RSPH3: variants seen among roughly 807,000 people sequenced by gnomAD.
RSPH3 encodes radial spoke head 3.
Under a neutral mutation model 43.8 loss-of-function variants are expected in RSPH3, and 21 were observed. The observed-to-expected ratio is 0.48, with a 90% CI of 0.34 to 0.69. The LOEUF (loss-of-function observed/expected upper bound fraction) is 0.69, where lower values mean the gene tolerates loss of function less well. RSPH3 is among the 30% of genes least tolerant of loss of function. The pLI, the probability that RSPH3 is intolerant of heterozygous loss-of-function variation, is 0.01. For synonymous variants in RSPH3, 173 were observed against 179.8 expected (o/e 0.96, Z 0.30); for missense variants, 487 against 516.0 (o/e 0.94, Z 0.54).
chr6:158,993,698 A>G, intron 2 of RSPH3, 141 bp downstream of exon 2: 1 of 522,952 alleles, frequency 1.9e-6, no homozygotes. Flanking sequence ...ATGTCTTTTT[A>G]AAAATTTCAT....
intron 2 of RSPH3, among the ~76,000 whole-genome samples, chr6:158,992,120 C>A (rs1778430720): frequency 7.0e-6 from 1 of 143,766 alleles, no homozygotes; most frequent in African/African-American, 2.6e-5. Flanking sequence ...TTCTTCACAT[C>A]CCTCATTTGA....
At chr6:158,986,538 G>T in intron 2 of RSPH3, 117 bp from the exon 3 acceptor site, 1 of 750,980 alleles carries the variant, frequency 1.3e-6, no homozygotes, top group African/African-American at 1.8e-5. Flanking sequence ...AATGTTTCTT[G>T]ATTATCAGTA....
intron 2 of RSPH3, among the ~76,000 whole-genome samples, chr6:158,990,178 C>T (rs183521144): frequency 6.6e-6 from 1 of 152,048 alleles, no homozygotes; most frequent in Non-Finnish European, 1.5e-5. Flanking sequence ...TTAATAAACT[C>T]TCCTTTATAT....
intron 2 of RSPH3, 59 bp from the exon 3 acceptor site, chr6:158,986,480 A>ACTGC: frequency 6.9e-7 from 1 of 1,444,954 alleles, no homozygotes; most frequent in South Asian, 1.3e-5. Flanking sequence ...GCATACAGGA[A>ACTGC]CTGCCATTCC....
rs1393671903 is a variant in RSPH3 at position 158,973,173 on chromosome 6, G to C, written c.*4365C>G. Reference sequence around the variant, plus strand: ...TGTCTTTATGCTAAATAAATTAAATGAAGTAAACAGCCATGGCTATTGAAC... The same window carrying C: ...TGTCTTTATGCTAAATAAATTAAATCAAGTAAACAGCCATGGCTATTGAAC... On this transcript the variant is annotated 3_prime_UTR_variant, in exon 8 of 8. Coordinates refer to ENST00000367069, the MANE Select transcript of RSPH3 (RefSeq NM_031924.8). 2 of 152,116 alleles carry C rather than the reference G, an allele frequency of 1.3e-5. No homozygotes were observed. The highest frequency in any genetic ancestry group is 2.4e-5 in the African/African-American group (1 of 41,422). The allele number at this position is 152,116 out of a possible 1,614,324, so 9.4% of individuals were successfully genotyped here. A position where few individuals can be genotyped will look rare whatever the true frequency, so the allele number is the denominator to read the frequency against.
chr6:158,999,984 G>GC lies in RSPH3; in HGVS notation c.-435dup, dbSNP rs1276056000. On this transcript the variant is annotated 5_prime_UTR_variant, in exon 1 of 8. The change abolishes the stop of an existing upstream ORF in the 5' untranslated region. Transcript: ENST00000367069. Reference sequence around the variant, plus strand: ...GGCTGGCTTGACCGTCATCCTTGAGGCCTGCGGGGCAACGGTGGCTGTCCT... The same window carrying GC: ...GGCTGGCTTGACCGTCATCCTTGAGGCCCTGCGGGGCAACGGTGGCTGTCCT... The GC allele has an allele frequency of 1.3e-6, 2 of 1,572,018 alleles. No individual in the cohort carries two copies. Among genetic ancestry groups the GC allele is most frequent in the Admixed American group, 3.6e-5 (2 of 55,254 alleles).
At chr6:158,985,348 G>A (rs1250832644) in intron 3 of RSPH3, among the ~76,000 whole-genome samples, 1 of 152,196 alleles carries the variant, frequency 6.6e-6, no homozygotes, top group Non-Finnish European at 1.5e-5. Flanking sequence ...CTCCTTTCCT[G>A]TAAGTCCTAA....
chr6:158,992,649 T>C (rs1312027938), intron 2 of RSPH3, among the ~76,000 whole-genome samples: 2 of 152,138 alleles, frequency 1.3e-5, no homozygotes, highest in Non-Finnish European at 2.9e-5. Context: ...AGGTTTGGTG[T>C]TTTAAATTCA....
downstream of RSPH3, among the ~76,000 whole-genome samples, chr6:158,970,083 C>CT (rs773784461): frequency 5.1e-4 from 76 of 150,090 alleles, no homozygotes; most frequent in African/African-American, 1.3e-3. Flanking sequence ...GTACTTTTTT[C>CT]TTTTTTTTTG....
chr6:158,987,820 C>T (rs1290840353), intron 2 of RSPH3, among the ~76,000 whole-genome samples: 1 of 152,176 alleles, frequency 6.6e-6, no homozygotes, highest in African/African-American at 2.4e-5. Flanking sequence ...TATCACCTAC[C>T]TCTTAACAGG....
At chr6:158,992,109 G>T in intron 2 of RSPH3, among the ~76,000 whole-genome samples, 1 of 148,212 alleles carries the variant, frequency 6.7e-6, no homozygotes, top group East Asian at 2.0e-4. Flanking sequence ...CCTTAGGTGG[G>T]TTCTTCACAT....
At chr6:158,988,212 C>G (rs1236781017) in intron 2 of RSPH3, 3 of 152,174 alleles carry the variant, frequency 2.0e-5, no homozygotes, top group Non-Finnish European at 4.4e-5. Flanking sequence ...GGTCATCTCA[C>G]TCCCTCCTGG....
In RSPH3 at chr6:158,973,085, A is replaced by C. The variant is rs529126950; in HGVS notation, c.*4453T>G. 1 of 152,374 alleles carries C rather than the reference A, an allele frequency of 6.6e-6. No homozygotes were observed. The highest frequency in any genetic ancestry group is 1.9e-4 in the East Asian group (1 of 5,194). The allele number at this position is 152,374 out of a possible 1,614,324, so 9.4% of individuals were successfully genotyped here. On this transcript the variant is annotated 3_prime_UTR_variant, in exon 8 of 8. Transcript: ENST00000367069. ...GAGGTTAGGCCTAGGCATTACGGTT[A>C]AGAAATAACAGATGCTAATTAGTTA...
downstream of RSPH3, among the ~76,000 whole-genome samples, chr6:158,970,916 C>G (rs947651175): frequency 4.6e-5 from 7 of 151,950 alleles, no homozygotes; most frequent in Non-Finnish European, 7.4e-5. Flanking sequence ...TTTTTTTTGC[C>G]AGTCTCTTAT....
In RSPH3 at chr6:158,978,346, T is replaced by C. The variant is rs771625221; in HGVS notation, c.860A>G (p.Asp287Gly). 5 of 1,405,256 alleles carry C rather than the reference T, an allele frequency of 3.6e-6. No homozygotes were observed. Among genetic ancestry groups the C allele is most frequent in the Middle Eastern group, 1.9e-4 (1 of 5,392 alleles). The allele number at this position is 1,405,256 out of a possible 1,614,324, so 87.0% of individuals were successfully genotyped here. A position where few individuals can be genotyped will look rare whatever the true frequency, so the allele number is the denominator to read the frequency against. Reference protein sequence around the residue: ...SGYFYDPIERDIEIGFLPWLM... With the variant: ...SGYFYDPIERGIEIGFLPWLM... ...CCATGGAAGAAATCCTATCTCAATA[T>C]CTGTAATAAAAGAATTCATTGATTT... The change falls in exon 7 of 8, where the codon GAT (aspartate) becomes GGT (glycine). Residue 287 changes from aspartate to glycine, a missense_variant and splice_region_variant. Coordinates refer to ENST00000367069, the MANE Select transcript of RSPH3 (RefSeq NM_031924.8).
In RSPH3 at chr6:158,984,437, TATA is replaced by T. The variant is rs1778149179; in HGVS notation, c.347-633_347-631del. 6.3e-3 allele frequency among the ~76,000 whole-genome samples: 310 copies of T among 49,478 alleles called. 21 individuals are homozygous for T. The highest frequency in any genetic ancestry group is 0.014 in the African/African-American group (262 of 18,844). 32.5% of individuals were successfully genotyped at this position (49,478 alleles called of 152,430 possible). A position where few individuals can be genotyped will look rare whatever the true frequency, so the allele number is the denominator to read the frequency against. The stretch of plus-strand genomic sequence containing the variant: ...ACAACAGTGGATAAAAAGTCAATTA[TATA>T]TATATATATATATATATATATATAT... On this transcript the variant is annotated intron_variant, in intron 3 of 7. Coordinates refer to ENST00000367069, the MANE Select transcript of RSPH3 (RefSeq NM_031924.8).
chr6:158,992,971 T>C (rs1778466327), intron 2 of RSPH3, among the ~76,000 whole-genome samples: 2 of 152,318 alleles, frequency 1.3e-5, no homozygotes, highest in South Asian at 2.1e-4. Flanking sequence ...CAAATCTAGA[T>C]GCAATAGACA....
chr6:158,995,967 C>T (rs1035633957), intron 1 of RSPH3, among the ~76,000 whole-genome samples: 2 of 152,122 alleles, frequency 1.3e-5, no homozygotes, highest in East Asian at 3.9e-4. Flanking sequence ...GGCTAATTTC[C>T]CATCTCAAGA....
chr6:158,971,730 G>A (rs1777696029), downstream of RSPH3, among the ~76,000 whole-genome samples: 1 of 152,164 alleles, frequency 6.6e-6, no homozygotes, highest in African/African-American at 2.4e-5. Flanking sequence ...TCGTGACATT[G>A]CAGCTGCTCA....
Sources: gnomAD v4.1 joint callset for allele counts (sites outside exome capture counted in the v4.1 genomes callset) on GRCh38, gnomAD v4.1.1 for gene constraint, MANE v1.5 for transcripts, NCBI Gene and HGNC (gene_info 2026-07-23, HGNC 2026-07-21) for gene names.